The following TMEM132D variants were observed in gnomAD, a reference collection of about 807,000 sequenced individuals.
TMEM132D encodes the protein mature OL transmembrane protein.
TMEM132D carries 21 observed loss-of-function variants against 62.3 expected under a neutral mutation model. That is an observed-to-expected ratio of 0.34 (90% CI 0.24 to 0.49). TMEM132D has a LOEUF of 0.49. Among genes scored for constraint, TMEM132D ranks in the 20% least tolerant of loss-of-function variants. The probability of loss-of-function intolerance (pLI) is 0.99; values close to 1 mark genes in which losing one functional copy is unlikely to be tolerated. For synonymous variants in TMEM132D, 621 were observed against 575.6 expected (o/e 1.08, Z -1.13); for missense variants, 1,346 against 1,402.8 (o/e 0.96, Z 0.65).
intron 4 of TMEM132D, among the ~76,000 whole-genome samples, chr12:129,262,058 C>CT (rs1880563174): frequency 6.6e-6 from 1 of 151,922 alleles, no homozygotes; most frequent in African/African-American, 2.4e-5. Flanking sequence ...AGGGATGGGT[C>CT]TTTTTTCTGG....
chr12:129,439,328 C>A (rs1318727969), intron 3 of TMEM132D, among the ~76,000 whole-genome samples: 4 of 152,162 alleles, frequency 2.6e-5, no homozygotes, highest in African/African-American at 9.6e-5. Flanking sequence ...TTTCCCTCCT[C>A]TTTTTCTCTT....
At chr12:129,218,050 AG>A (rs1183905995) in intron 4 of TMEM132D, among the ~76,000 whole-genome samples, 1 of 152,124 alleles carries the variant, frequency 6.6e-6, no homozygotes, top group Non-Finnish European at 1.5e-5. Flanking sequence ...AAAGGGAGTG[AG>A]GCCGGGTCAA....
chr12:129,087,628 C>T (rs1020275840), intron 5 of TMEM132D, among the ~76,000 whole-genome samples: 1 of 152,048 alleles, frequency 6.6e-6, no homozygotes, highest in African/African-American at 2.4e-5. Flanking sequence ...CTGGAAAACG[C>T]GAGGAAGCAG....
At chr12:129,809,673 A>C (rs1275104824) in intron 1 of TMEM132D, among the ~76,000 whole-genome samples, 1 of 152,214 alleles carries the variant, frequency 6.6e-6, no homozygotes, top group Non-Finnish European at 1.5e-5. Flanking sequence ...ATGGAAGCTG[A>C]TGTACATGTT....
At chr12:129,182,717 T>G (rs550535184) in intron 5 of TMEM132D, among the ~76,000 whole-genome samples, 1 of 152,360 alleles carries the variant, frequency 6.6e-6, no homozygotes, top group African/African-American at 2.4e-5. Flanking sequence ...GGATGATGTT[T>G]GACCAAATGT....
intron 4 of TMEM132D, among the ~76,000 whole-genome samples, chr12:129,260,103 G>C (rs911365159): frequency 2.0e-5 from 3 of 152,198 alleles, no homozygotes. Context: ...CGAAATGAAA[G>C]AGGAAAGAGT....
chr12:129,467,978 G>C (rs1052999642), intron 3 of TMEM132D, among the ~76,000 whole-genome samples: 4 of 152,150 alleles, frequency 2.6e-5, no homozygotes, highest in Non-Finnish European at 5.9e-5. Context: ...CTAGGTAACA[G>C]ATAACGAAGC....
intron 7 of TMEM132D, among the ~76,000 whole-genome samples, chr12:129,078,955 G>A (rs1396807428): frequency 6.6e-6 from 1 of 152,172 alleles, no homozygotes; most frequent in Non-Finnish European, 1.5e-5. Context: ...TGGGCAGGTA[G>A]GGCTTGGCCC....
At chr12:129,591,393 G>T (rs1435467205) in intron 2 of TMEM132D, among the ~76,000 whole-genome samples, 1 of 152,194 alleles carries the variant, frequency 6.6e-6, no homozygotes, top group African/African-American at 2.4e-5. Context: ...ACTGTGCTTT[G>T]GAAGAAGGCT....
chr12:129,864,164 G>A (rs79188119), intron 1 of TMEM132D, among the ~76,000 whole-genome samples: 2,094 of 152,288 alleles, frequency 0.014, 49 homozygotes, highest in African/African-American at 0.047. Flanking sequence ...AAGCAGCCCC[G>A]CAGAGTGGTC....
chr12:129,617,325 C>T (rs1878945776), intron 2 of TMEM132D, among the ~76,000 whole-genome samples: 1 of 152,136 alleles, frequency 6.6e-6, no homozygotes, highest in Non-Finnish European at 1.5e-5. Flanking sequence ...ACAGACATTC[C>T]CAGGAAGGTC....
chr12:129,859,104 G>A (rs747946467), intron 1 of TMEM132D, among the ~76,000 whole-genome samples: 2 of 152,178 alleles, frequency 1.3e-5, no homozygotes, highest in African/African-American at 2.4e-5. Context: ...AGAGTCCTGC[G>A]GGAGGGTGTT....
chr12:129,289,168 C>T (rs535630446), intron 4 of TMEM132D, among the ~76,000 whole-genome samples: 8 of 152,128 alleles, frequency 5.3e-5, no homozygotes, highest in East Asian at 1.9e-4. Context: ...TGAATAAATT[C>T]GAGATATCTG....
chr12:129,569,902 A>G (rs1016286768), intron 2 of TMEM132D, among the ~76,000 whole-genome samples: 2 of 152,174 alleles, frequency 1.3e-5, no homozygotes, highest in Non-Finnish European at 2.9e-5. Flanking sequence ...GAACGTTTTT[A>G]GTTGAAATGG....
At chr12:129,141,593 T>G (rs1876742724) in intron 5 of TMEM132D, among the ~76,000 whole-genome samples, 1 of 152,148 alleles carries the variant, frequency 6.6e-6, no homozygotes. Flanking sequence ...GGCGAGAACC[T>G]GTAGACTTTA....
At chr12:129,196,487 T>C (rs2135558957) in intron 5 of TMEM132D, among the ~76,000 whole-genome samples, 1 of 152,316 alleles carries the variant, frequency 6.6e-6, no homozygotes. Context: ...GGTTTCTTTC[T>C]AGGTCTAAGA....
intron 3 of TMEM132D, among the ~76,000 whole-genome samples, chr12:129,418,098 G>A (rs1296125731): frequency 2.0e-5 from 3 of 152,222 alleles, no homozygotes; most frequent in African/African-American, 4.8e-5. Flanking sequence ...TACACTGTTG[G>A]TGGAACTGTA....
chr12:129,346,806 C>G (rs146429133), intron 3 of TMEM132D, among the ~76,000 whole-genome samples: 35 of 152,234 alleles, frequency 2.3e-4, no homozygotes, highest in African/African-American at 8.4e-4. Context: ...ATTTAGAAAA[C>G]CCCATTGTCT....
chr12:129,679,648 A>G (rs1880731174), intron 2 of TMEM132D, among the ~76,000 whole-genome samples: 1 of 152,022 alleles, frequency 6.6e-6, no homozygotes, highest in Admixed American at 6.5e-5. Context: ...ACCAATGGCT[A>G]TTCCTCAGTT....
Sources: gnomAD v4.1 joint callset for allele counts (sites outside exome capture counted in the v4.1 genomes callset) on GRCh38, gnomAD v4.1.1 for gene constraint, MANE v1.5 for transcripts, NCBI Gene and HGNC (gene_info 2026-07-23, HGNC 2026-07-21) for gene names.